Variants in AFF2 observed in about 807,000 individuals in gnomAD.
AFF2 encodes the protein AF4/FMR2 family member 2.
Under a neutral mutation model 76.9 loss-of-function variants are expected in AFF2, and 14 were observed. That is an observed-to-expected ratio of 0.18 (90% CI 0.12 to 0.28). The LOEUF (loss-of-function observed/expected upper bound fraction) is 0.28, where lower values mean the gene tolerates loss of function less well. AFF2 is among the 10% of genes least tolerant of loss of function. The pLI is 1.00. For synonymous variants in AFF2, 398 were observed against 366.7 expected, an observed-to-expected ratio of 1.09 and a Z score of -0.98; for missense variants, 868 against 1,001.1, an observed-to-expected ratio of 0.87 and a Z score of 1.79.
intron 3 of AFF2, among the ~76,000 whole-genome samples, chrX:148,735,941 G>C (rs1415755484): frequency 8.9e-6 from 1 of 111,912 alleles, no homozygotes; most frequent in East Asian, 2.8e-4. Context: ...TGCAAATACT[G>C]TTAATTCATT....
rs1216796839 is a variant in AFF2 at position 148,997,168 on chromosome X, A to G, written c.*5836A>G. 1.8e-5 allele frequency: 2 copies of G among 112,008 alleles called. No homozygotes were observed. Among genetic ancestry groups the G allele is most frequent in the African/African-American group, 3.3e-5 (1 of 30,698 alleles). The allele number at this position is 112,008 out of a possible 1,213,427, so 9.2% of individuals were successfully genotyped here. The stretch of plus-strand genomic sequence containing the variant: ...AGAATATCTCTGTATCAATTGCATG[A>G]CTATTCAGAAACAATAATCCAAACC... On this transcript the variant is annotated 3_prime_UTR_variant, in exon 21 of 21. Coordinates refer to ENST00000370460, the MANE Select transcript of AFF2 (RefSeq NM_002025.4).
chrX:148,991,816 A>G lies in AFF2; in HGVS notation c.*484A>G, dbSNP rs1269217624. The stretch of plus-strand genomic sequence containing the variant: ...AACTTTTGTGTATCCCACAGATTCA[A>G]TCTTCAGGTGAGAATTTTCATTGTC... On this transcript the variant is annotated 3_prime_UTR_variant, in exon 21 of 21. Coordinates refer to ENST00000370460, the MANE Select transcript of AFF2 (RefSeq NM_002025.4). 2 of 112,492 alleles carry G rather than the reference A, an allele frequency of 1.8e-5. No individual in the cohort carries two copies. The highest frequency in any genetic ancestry group is 3.7e-5 in the Non-Finnish European group (2 of 53,448). 9.3% of individuals were successfully genotyped at this position (112,492 alleles called of 1,213,427 possible). A position where few individuals can be genotyped will look rare whatever the true frequency, so the allele number is the denominator to read the frequency against.
intron 3 of AFF2, among the ~76,000 whole-genome samples, chrX:148,717,216 A>C (rs1346534294): frequency 8.9e-6 from 1 of 112,427 alleles, no homozygotes; most frequent in African/African-American, 3.2e-5. Context: ...CATACAGTGG[A>C]ATATTATTCA....
chrX:148,604,038 G>C lies in AFF2; in HGVS notation c.48-47961G>C, dbSNP rs998467723. Among the ~76,000 whole-genome samples the C allele has an allele frequency of 2.1e-4, 23 of 110,914 alleles. 2 individuals carry two copies. The highest frequency in any genetic ancestry group is 2.0e-3 in the Admixed American group (21 of 10,394). ...TTTTTTGGTACATCTCTAATTTTAG[G>C]TTTAGATTTCTGAGTCAAGGCAGAT... is the stretch of plus-strand genomic sequence containing the variant. On this transcript the variant is annotated intron_variant, in intron 1 of 20. Coordinates refer to ENST00000370460, the MANE Select transcript of AFF2 (RefSeq NM_002025.4).
In AFF2 at chrX:148,762,480, ATGTGTG is replaced by A. The variant is rs144985699; in HGVS notation, c.1042-47372_1042-47367del. Among the ~76,000 whole-genome samples, 10 of 92,561 alleles carry A rather than the reference ATGTGTG, an allele frequency of 1.1e-4. No homozygotes were observed. The South Asian group carries it at 1.6e-3, about 14-fold the overall frequency. 80.4% of individuals were successfully genotyped at this position (92,561 alleles called of 115,157 possible). ...ATATATTATGTGTGTACATATGTAT[ATGTGTG>A]TGTGTGTGTGTGTGTGTGTGTGTAT... On this transcript the variant is annotated intron_variant, in intron 3 of 20. Coordinates refer to ENST00000370460, the MANE Select transcript of AFF2 (RefSeq NM_002025.4).
intron 3 of AFF2, among the ~76,000 whole-genome samples, chrX:148,705,396 G>C (rs1412941249): frequency 8.9e-6 from 1 of 112,166 alleles, no homozygotes; most frequent in African/African-American, 3.2e-5. Context: ...AGAGCAAACA[G>C]AATCTTAGCC....
At chrX:148,837,525 C>A in intron 4 of AFF2, 122 bp from the exon 5 acceptor site, 1 of 364,966 alleles carries the variant, frequency 2.7e-6, no homozygotes, top group Admixed American at 5.7e-5. Context: ...TTAAATTCAC[C>A]TTAAGTATTA....
intron 7 of AFF2, among the ~76,000 whole-genome samples, chrX:148,885,471 A>G (rs1446565499): frequency 8.1e-5 from 9 of 111,356 alleles, no homozygotes; most frequent in Admixed American, 7.6e-4. Flanking sequence ...GCAGGCTTTG[A>G]CAACAGCCTC....
chrX:148,743,223 T>A (rs1416438358), intron 3 of AFF2, among the ~76,000 whole-genome samples: 4 of 112,280 alleles, frequency 3.6e-5, no homozygotes, highest in Non-Finnish European at 7.5e-5. Flanking sequence ...TCTAATACAA[T>A]CAACTGTTGC....
At chrX:148,630,025 G>A (rs1364164607) in intron 1 of AFF2, among the ~76,000 whole-genome samples, 6 of 111,689 alleles carry the variant, frequency 5.4e-5, no homozygotes, top group Admixed American at 9.5e-5. Flanking sequence ...ACAGAACAGC[G>A]TTGTGAGCCC....
intron 3 of AFF2, among the ~76,000 whole-genome samples, chrX:148,765,873 G>T (rs1557267676): frequency 1.6e-5 from 1 of 64,319 alleles, no homozygotes; most frequent in African/African-American, 6.7e-5. Flanking sequence ...CCCCACAACA[G>T]TCCCCAGAGT....
chrX:148,714,401 C>T (rs2055003594), intron 3 of AFF2, among the ~76,000 whole-genome samples: 1 of 111,381 alleles, frequency 9.0e-6, no homozygotes, highest in African/African-American at 3.3e-5. Flanking sequence ...TATTTGCATT[C>T]CTATGTTGTG....
At chrX:148,529,008 A>G (rs1212144709) in intron 1 of AFF2, among the ~76,000 whole-genome samples, 2 of 112,154 alleles carry the variant, frequency 1.8e-5, no homozygotes, top group East Asian at 5.6e-4. Context: ...CTGTTTTCCT[A>G]CTGTGCTCAT....
chrX:148,556,008 A>G (rs1337312504), intron 1 of AFF2, among the ~76,000 whole-genome samples: 1 of 111,996 alleles, frequency 8.9e-6, no homozygotes, highest in Non-Finnish European at 1.9e-5. Context: ...GTGGTGGTTT[A>G]TGGCCACAGA....
Position 148,501,139 on chromosome X carries a change from G to A in AFF2, c.42G>A (p.Gln14=). ...FDFFRDWDLE[Q]QCHYEQDRSA... is the part of the protein sequence containing the mutation. ...TTTTCAGAGACTGGGACTTGGAGCA[G>A]CAGTGGTAGGTGTTGATTTTTGCCT... is the stretch of plus-strand genomic sequence containing the variant. Residue 14 remains glutamine, a synonymous_variant, in exon 1 of 21, where the codon CAG becomes CAA. Transcript: ENST00000370460. The A allele has an allele frequency of 8.3e-7, 1 of 1,211,099 alleles. No individual in the cohort carries two copies. Among genetic ancestry groups the A allele is most frequent in the Non-Finnish European group, 1.1e-6 (1 of 894,962 alleles).
rs1321089235 is a variant in AFF2 at position 148,500,902 on chromosome X, C to T, written c.-196C>T. ...CTTGCCCGCCCAGTGCCACTGCCGC[C>T]GCTTCCTCGCCGGAGCACAGGACCA... On this transcript the variant is annotated 5_prime_UTR_variant, in exon 1 of 21. Transcript: ENST00000370460. 9.1e-6 allele frequency: 4 copies of T among 437,943 alleles called. No homozygotes were observed. The highest frequency in any genetic ancestry group is 8.0e-5 in the African/African-American group (3 of 37,389). 36.1% of individuals were successfully genotyped at this position (437,943 alleles called of 1,213,427 possible).
intron 1 of AFF2, among the ~76,000 whole-genome samples, chrX:148,515,890 T>C (rs2052529202): frequency 8.9e-6 from 1 of 111,888 alleles, no homozygotes; most frequent in African/African-American, 3.3e-5. Context: ...TCCCCACAAG[T>C]AATCATCCAG....
intron 3 of AFF2, chrX:148,719,264 C>A: frequency 9.4e-7 from 1 of 1,064,806 alleles, no homozygotes; most frequent in Non-Finnish European, 1.3e-6. Context: ...AGAAGGTCTA[C>A]AATCAGCCAA....
chrX:148,948,227 G>A (rs1291405785), intron 9 of AFF2, among the ~76,000 whole-genome samples: 1 of 112,248 alleles, frequency 8.9e-6, no homozygotes, highest in East Asian at 2.8e-4. Context: ...TTATAAAATA[G>A]CCTACAGAAG....
Sources: allele counts gnomAD v4.1 joint callset (sites outside exome capture counted in the v4.1 genomes callset), GRCh38; gene constraint gnomAD v4.1.1; transcripts MANE v1.5; gene names NCBI Gene and HGNC (gene_info 2026-07-23, HGNC 2026-07-21).